PTPRO: variants seen among roughly 807,000 people sequenced by gnomAD.
The protein encoded by PTPRO is protein tyrosine phosphatase receptor type O.
Under a neutral mutation model 145.2 loss-of-function variants are expected in PTPRO, and 62 were observed. That is an observed-to-expected ratio of 0.43 (90% CI 0.35 to 0.53). The LOEUF (loss-of-function observed/expected upper bound fraction) is 0.53. Ranked by LOEUF, PTPRO falls within the 20% of genes least tolerant of loss-of-function variation. The pLI, the probability that PTPRO is intolerant of heterozygous loss-of-function variation, is 0.01. For synonymous variants in PTPRO, 565 were observed against 514.7 expected (o/e 1.10, Z -1.32); for missense variants, 1,345 against 1,482.7 (o/e 0.91, Z 1.53).
chr12:15,385,811 C>CAAAAAAAAAAAAAA (rs761750012), intron 1 of PTPRO, among the ~76,000 whole-genome samples: 1 of 37,116 alleles, frequency 2.7e-5, no homozygotes, highest in African/African-American at 9.1e-5. Flanking sequence ...GACTCCATCT[C>CAAAAAAAAAAAAAA]AAAAAAAAAA....
intron 10 of PTPRO, among the ~76,000 whole-genome samples, chr12:15,522,883 A>T (rs1942755544): frequency 6.6e-6 from 1 of 152,238 alleles, no homozygotes; most frequent in South Asian, 2.1e-4. Context: ...AATTTTAAAG[A>T]TGTTTCTTTT....
chr12:15,493,582 A>C (rs766767525), intron 2 of PTPRO, among the ~76,000 whole-genome samples: 18 of 152,210 alleles, frequency 1.2e-4, no homozygotes, highest in Admixed American at 7.2e-4. Flanking sequence ...GCAGGAAATT[A>C]AAACAAAGAG....
intron 7 of PTPRO, among the ~76,000 whole-genome samples, chr12:15,515,115 A>T (rs542028900): frequency 5.3e-5 from 8 of 152,078 alleles, no homozygotes; most frequent in Non-Finnish European, 1.0e-4. Context: ...GTGACAAGAG[A>T]CTAAAGACAT....
At position 15,322,519 on chromosome 12, in the gene PTPRO, A is replaced by G; in HGVS notation, c.-208A>G. 1 of 628,922 alleles carries G rather than the reference A, an allele frequency of 1.6e-6. No individual in the cohort carries two copies. Among genetic ancestry groups the G allele is most frequent in the South Asian group, 1.8e-5 (1 of 55,724 alleles). 39.0% of individuals were successfully genotyped at this position (628,922 alleles called of 1,614,324 possible). On this transcript the variant is annotated 5_prime_UTR_variant, in exon 1 of 27. Coordinates refer to ENST00000281171, the MANE Select transcript of PTPRO (RefSeq NM_030667.3). This position sits in a 1 kb window ranked among gnomAD's most constrained non-coding sequence, Gnocchi z 6.3. ...CCCTCTCCATCCTTAGTCATTAAAG[A>G]ACAGCAGCGCCTGGCACGTTCTTGG...
At chr12:15,365,687 A>C (rs1013435738) in intron 1 of PTPRO, among the ~76,000 whole-genome samples, 2 of 152,136 alleles carry the variant, frequency 1.3e-5, no homozygotes, top group Non-Finnish European at 2.9e-5. Context: ...GTATTTAAAA[A>C]CTAGTTCTTC....
chr12:15,551,971 C>T (rs545813629), intron 15 of PTPRO, among the ~76,000 whole-genome samples: 2 of 145,566 alleles, frequency 1.4e-5, no homozygotes, highest in South Asian at 2.1e-4. Flanking sequence ...CTTTCATACA[C>T]ATTTGGAATA....
At chr12:15,388,940 C>CTTATT (rs1939108451) in intron 1 of PTPRO, among the ~76,000 whole-genome samples, 1 of 151,828 alleles carries the variant, frequency 6.6e-6, no homozygotes, top group Non-Finnish European at 1.5e-5. Context: ...AAAATCTACT[C>CTTATT]TTATTGACCT....
chr12:15,502,178 A>C, intron 5 of PTPRO, 115 bp downstream of exon 5: 1 of 1,061,790 alleles, frequency 9.4e-7, no homozygotes, highest in East Asian at 2.5e-5. Flanking sequence ...GTCAAAGAAT[A>C]ATGGTAATGA....
rs61741744 is a variant in PTPRO at position 15,549,195 on chromosome 12, T to C, written c.2406T>C (p.Ser802=). ...SVTSFSHDSP[S]VPTFIAVSTM... is the part of the protein sequence containing the mutation. ...CCAGCTTTAGCCATGACAGCCCCAG[T>C]GTCCCTACGTTCATAGCCGTCTCAA... The change falls in exon 14 of 27, where the codon AGT becomes AGC. Residue 802 remains serine (S), a synonymous_variant. Coordinates refer to ENST00000281171, the MANE Select transcript of PTPRO (RefSeq NM_030667.3). The C allele has an allele frequency of 4.8e-4, 779 of 1,612,950 alleles. 5 individuals carry two copies. The African/African-American group carries it at 9.4e-3, about 19-fold the overall frequency.
chr12:15,386,878 A>C (rs1249668135), intron 1 of PTPRO, among the ~76,000 whole-genome samples: 4 of 152,200 alleles, frequency 2.6e-5, no homozygotes, highest in Non-Finnish European at 1.5e-5. Context: ...TCAAGTTTCT[A>C]GACCCAAGGC....
rs142164997 is a variant in PTPRO at position 15,472,554 on chromosome 12, C to A, written c.76-11420C>A. Among the ~76,000 whole-genome samples, 84 of 152,258 alleles carry A rather than the reference C, an allele frequency of 5.5e-4. 1 individual carries two copies. Among genetic ancestry groups the A allele is most frequent in the African/African-American group, 2.0e-3 (82 of 41,562 alleles). ...CCTTTTCTGAACCAGATTCCCCTGG[C>A]AAACTCACGAGCATCTTTCATACAT... On this transcript the variant is annotated intron_variant, in intron 1 of 26. Coordinates refer to ENST00000281171, the MANE Select transcript of PTPRO (RefSeq NM_030667.3).
chr12:15,384,400 A>G (rs533310523), intron 1 of PTPRO, among the ~76,000 whole-genome samples: 2 of 152,288 alleles, frequency 1.3e-5, no homozygotes, highest in African/African-American at 2.4e-5. Context: ...AACAACAGAA[A>G]TGTGTTTTCT....
At chr12:15,528,450 A>T (rs2080474) in intron 12 of PTPRO, among the ~76,000 whole-genome samples, 1 of 148,732 alleles carries the variant, frequency 6.7e-6, no homozygotes, top group African/African-American at 2.5e-5. Context: ...ATGTGAACTC[A>T]GGAGGTGGAG....
chr12:15,380,502 G>A (rs1938826377), intron 1 of PTPRO, among the ~76,000 whole-genome samples: 1 of 152,130 alleles, frequency 6.6e-6, no homozygotes, highest in African/African-American at 2.4e-5. Context: ...AACAACTTAT[G>A]TAATTTTAAA....
Position 15,422,669 on chromosome 12 carries a change from G to A in PTPRO, c.76-61305G>A, listed in dbSNP as rs561831103. Among the ~76,000 whole-genome samples the A allele has an allele frequency of 2.9e-3, 438 of 152,282 alleles. 4 individuals carry two copies. Among genetic ancestry groups the A allele is most frequent in the African/African-American group, 9.6e-3 (400 of 41,564 alleles). Reference sequence around the variant, plus strand: ...TGCTACAAAGCGACCATGTAGAAACGTGAGCCCAGGTTTTCAGGCTCATCT... The same window carrying A: ...TGCTACAAAGCGACCATGTAGAAACATGAGCCCAGGTTTTCAGGCTCATCT... On this transcript the variant is annotated intron_variant, in intron 1 of 26. Transcript: ENST00000281171.
intron 18 of PTPRO, among the ~76,000 whole-genome samples, chr12:15,566,425 T>C (rs1231791261): frequency 6.6e-6 from 1 of 152,218 alleles, no homozygotes; most frequent in Non-Finnish European, 1.5e-5. Context: ...AAAATGTTTC[T>C]AGTTAGTCTT....
At chr12:15,521,144 A>G (rs578104076) in intron 10 of PTPRO, among the ~76,000 whole-genome samples, 1 of 152,294 alleles carries the variant, frequency 6.6e-6, no homozygotes, top group South Asian at 2.1e-4. Flanking sequence ...GAGAAAACAG[A>G]GGAGAAAAAT....
At chr12:15,488,923 T>C (rs1941945023) in intron 2 of PTPRO, among the ~76,000 whole-genome samples, 1 of 152,114 alleles carries the variant, frequency 6.6e-6, no homozygotes, top group African/African-American at 2.4e-5. Flanking sequence ...TCCTTGGAAA[T>C]TGAGGAAATG....
chr12:15,487,941 G>A (rs1164079633), intron 2 of PTPRO, among the ~76,000 whole-genome samples: 1 of 152,178 alleles, frequency 6.6e-6, no homozygotes, highest in East Asian at 1.9e-4. Context: ...ACTCGGAGCT[G>A]CTTTCTTCTT....
Sources: allele counts gnomAD v4.1 joint callset (sites outside exome capture counted in the v4.1 genomes callset), GRCh38; gene constraint gnomAD v4.1.1; non-coding constraint Gnocchi (gnomAD v3.1); transcripts MANE v1.5; gene names NCBI Gene and HGNC (gene_info 2026-07-23, HGNC 2026-07-21).